Variants in PALM2AKAP2 observed in about 807,000 individuals in gnomAD.
PALM2AKAP2 encodes PALM2 and AKAP2 fusion.
PALM2AKAP2 carries 37 observed loss-of-function variants against 71.5 expected under a neutral mutation model. The ratio of observed to expected loss-of-function variants is 0.52; its 90% CI spans 0.40 to 0.68. PALM2AKAP2 has a LOEUF of 0.68. Among genes scored for constraint, PALM2AKAP2 ranks in the 30% least tolerant of loss-of-function variants. The pLI is 0.00. For missense variants in PALM2AKAP2, 1,224 were observed against 1,191.8 expected (o/e 1.03, Z -0.40); for synonymous variants, 468 against 478.8 (o/e 0.98, Z 0.29).
chr9:109,796,228 T>G (rs1827248390), intron 1 of PALM2AKAP2, among the ~76,000 whole-genome samples: 1 of 152,230 alleles, frequency 6.6e-6, no homozygotes, highest in Non-Finnish European at 1.5e-5. Flanking sequence ...AATTTATATA[T>G]AGTCAGCAAA....
chr9:109,941,906 A>C (rs1205533540), intron 6 of PALM2AKAP2, among the ~76,000 whole-genome samples: 2 of 152,352 alleles, frequency 1.3e-5, no homozygotes, highest in Non-Finnish European at 2.9e-5. Context: ...TGGAACAAAA[A>C]GAAGACAACA....
intron 1 of PALM2AKAP2, among the ~76,000 whole-genome samples, chr9:109,748,008 C>G (rs1011057729): frequency 3.3e-5 from 5 of 152,192 alleles, no homozygotes; most frequent in African/African-American, 1.2e-4. Flanking sequence ...ACAAATGACT[C>G]TATCAAAAGT....
chr9:110,062,027 T>G (rs1381000535), intron 1 of PALM2AKAP2, among the ~76,000 whole-genome samples: 1 of 140,246 alleles, frequency 7.1e-6, no homozygotes, highest in Non-Finnish European at 1.5e-5. Context: ...TGTTGTCTCC[T>G]TTTACTATGG....
intron 1 of PALM2AKAP2, among the ~76,000 whole-genome samples, chr9:109,767,420 G>C (rs568054124): frequency 1.8e-4 from 27 of 152,338 alleles, no homozygotes; most frequent in African/African-American, 6.3e-4. Flanking sequence ...TTTGGAGGCT[G>C]TTGCCCCATC....
At chr9:109,721,073 C>T (rs1402323790) in intron 1 of PALM2AKAP2, among the ~76,000 whole-genome samples, 1 of 152,200 alleles carries the variant, frequency 6.6e-6, no homozygotes, top group Non-Finnish European at 1.5e-5. Flanking sequence ...TGTCATCACA[C>T]CAACTCATAG....
intron 1 of PALM2AKAP2, among the ~76,000 whole-genome samples, chr9:109,677,591 C>A (rs1243427870): frequency 6.6e-6 from 1 of 151,758 alleles, no homozygotes; most frequent in South Asian, 2.1e-4. Flanking sequence ...TCACTTGAAC[C>A]CAGGAGGCAG....
chr9:110,155,472 G>T (rs1344167044), intron 2 of PALM2AKAP2, among the ~76,000 whole-genome samples: 1 of 152,182 alleles, frequency 6.6e-6, no homozygotes, highest in Non-Finnish European at 1.5e-5. Flanking sequence ...GGGAGGGAGG[G>T]ATGGAAATGG....
chr9:109,772,519 C>G (rs1198360500), intron 1 of PALM2AKAP2, among the ~76,000 whole-genome samples: 2 of 152,232 alleles, frequency 1.3e-5, no homozygotes, highest in African/African-American at 2.4e-5. Flanking sequence ...GTTTCCTTCT[C>G]TTCTGCTTAT....
At chr9:109,646,434 TGTGG>T (rs1371933462) in intron 1 of PALM2AKAP2, among the ~76,000 whole-genome samples, 1 of 152,228 alleles carries the variant, frequency 6.6e-6, no homozygotes. Context: ...GCTCTGACAA[TGTGG>T]GTGGCAGCCT....
At chr9:110,059,060 C>T (rs569639931) in intron 1 of PALM2AKAP2, among the ~76,000 whole-genome samples, 89 of 152,122 alleles carry the variant, frequency 5.9e-4, no homozygotes, top group Non-Finnish European at 1.1e-3. Context: ...CCACCACGCC[C>T]ACGTAATTTT....
intron 1 of PALM2AKAP2, among the ~76,000 whole-genome samples, chr9:110,073,173 G>A (rs1415523196): frequency 2.6e-5 from 4 of 152,114 alleles, no homozygotes; most frequent in East Asian, 3.8e-4. Context: ...TCTTTAGTGC[G>A]AAGCCCTGAA....
At chr9:109,966,625 T>A (rs1831954689) in intron 6 of PALM2AKAP2, among the ~76,000 whole-genome samples, 1 of 152,286 alleles carries the variant, frequency 6.6e-6, no homozygotes, top group African/African-American at 2.4e-5. Context: ...ATATGCTTGC[T>A]ATTTTTTATC....
intron 1 of PALM2AKAP2, among the ~76,000 whole-genome samples, chr9:110,099,806 G>C (rs1230637917): frequency 6.6e-6 from 1 of 151,962 alleles, no homozygotes; most frequent in Admixed American, 6.6e-5. Flanking sequence ...TTATGATGGA[G>C]AGGGCTTTCA....
chr9:109,937,891 A>G (rs1564221089), intron 6 of PALM2AKAP2, among the ~76,000 whole-genome samples: 2 of 152,224 alleles, frequency 1.3e-5, no homozygotes, highest in African/African-American at 4.8e-5. Context: ...TTTTTAAATA[A>G]GATGAACAAA....
chr9:109,678,310 T>TA (rs1223299020), intron 1 of PALM2AKAP2, among the ~76,000 whole-genome samples: 1 of 152,224 alleles, frequency 6.6e-6, no homozygotes, highest in African/African-American at 2.4e-5. Flanking sequence ...ACTAAATACT[T>TA]AAAAGATTTT....
chr9:109,832,434 GC>G (rs1405645113), intron 1 of PALM2AKAP2, among the ~76,000 whole-genome samples: 1 of 152,174 alleles, frequency 6.6e-6, no homozygotes, highest in Non-Finnish European at 1.5e-5. Context: ...ACAGTGCTGG[GC>G]TCACACTAAG....
intron 6 of PALM2AKAP2, among the ~76,000 whole-genome samples, chr9:109,957,643 TAAG>T (rs1428094849): frequency 6.6e-6 from 1 of 152,230 alleles, no homozygotes; most frequent in African/African-American, 2.4e-5. Flanking sequence ...ACTGAACTTT[TAAG>T]AAGCCTATTA....
chr9:109,700,743 G>A lies in PALM2AKAP2; in HGVS notation c.5+59877G>A, dbSNP rs138282891. Among the ~76,000 whole-genome samples, 16 of 152,284 alleles carry A rather than the reference G, an allele frequency of 1.1e-4. No homozygotes were observed. The East Asian group carries it at 3.1e-3, about 29-fold the overall frequency. On this transcript the variant is annotated intron_variant, in intron 1 of 6. Transcript: ENST00000374531. ...TTTATTTGAAAATTTTTGCTGGGCT[G>A]TGTCTGTCTCACCTGGAGCTCTTTG...
chr9:110,164,924 A>C (rs1587882170), intron 3 of PALM2AKAP2, among the ~76,000 whole-genome samples: 1 of 151,482 alleles, frequency 6.6e-6, no homozygotes, highest in Non-Finnish European at 1.5e-5. Flanking sequence ...CTCCTTCTGG[A>C]CTCCTTACAG....
Sources: allele counts gnomAD v4.1 joint callset (sites outside exome capture counted in the v4.1 genomes callset), GRCh38; gene constraint gnomAD v4.1.1; transcripts MANE v1.5; gene names NCBI Gene and HGNC (gene_info 2026-07-23, HGNC 2026-07-21).